RASGRF1: variants seen among roughly 807,000 people sequenced by gnomAD.
RASGRF1 encodes Ras protein specific guanine nucleotide releasing factor 1, also known as ras-specific guanine nucleotide-releasing factor 1.
RASGRF1 carries 40 observed loss-of-function variants against 138.7 expected under a neutral mutation model. The ratio of observed to expected loss-of-function variants is 0.29; its 90% confidence interval spans 0.22 to 0.38. RASGRF1 has a LOEUF of 0.38. RASGRF1 is among the 10% of genes least tolerant of loss of function. The pLI is 1.00. For synonymous variants in RASGRF1, 614 were observed against 663.2 expected (o/e 0.93, Z 1.14); for missense variants, 1,108 against 1,650.4 (o/e 0.67, Z 5.69).
chr15:79,068,072 G>T (rs531656353), intron 1 of RASGRF1, among the ~76,000 whole-genome samples: 2 of 152,322 alleles, frequency 1.3e-5, no homozygotes, highest in Admixed American at 6.5e-5. Flanking sequence ...CCTGCTGTGT[G>T]CCTGTCACCC....
chr15:79,030,701 T>G (rs779964074), intron 8 of RASGRF1, among the ~76,000 whole-genome samples: 4 of 152,190 alleles, frequency 2.6e-5, no homozygotes, highest in Admixed American at 6.5e-5. Flanking sequence ...CACCCTTGAC[T>G]CTAGTCTTTC....
intron 8 of RASGRF1, 119 bp downstream of exon 8, chr15:79,031,281 C>T (rs558505380): frequency 1.3e-6 from 1 of 795,388 alleles, no homozygotes; most frequent in Non-Finnish European, 2.0e-6. Context: ...AGCTGTGCCC[C>T]TCCCTTACAA....
chr15:79,004,445 C>G (rs2056626413), intron 14 of RASGRF1, among the ~76,000 whole-genome samples: 1 of 152,156 alleles, frequency 6.6e-6, no homozygotes, highest in Non-Finnish European at 1.5e-5. Context: ...GCTGCAGCAT[C>G]TGACCTGAAG....
At chr15:79,078,155 A>ATGTGTGTGTGTG (rs2057865045) in intron 1 of RASGRF1, among the ~76,000 whole-genome samples, 1 of 60,616 alleles carries the variant, frequency 1.6e-5, no homozygotes, top group East Asian at 5.5e-4. Flanking sequence ...GTGTGTGTGC[A>ATGTGTGTGTGTG]TGCATGTGCG....
In RASGRF1 at chr15:79,027,135, T is replaced by C. The variant is rs137878046; in HGVS notation, c.1381+606A>G. Among the ~76,000 whole-genome samples, 264 of 152,264 alleles carry C rather than the reference T, an allele frequency of 1.7e-3. 2 individuals carry two copies. Among genetic ancestry groups the C allele is most frequent in the African/African-American group, 5.0e-3 (209 of 41,546 alleles). ...AAACATGGAAGTTGAATGTGATGAA[T>C]TTCAAATGCATTGCAGTTCTGATGT... On this transcript the variant is annotated intron_variant, in intron 9 of 26. Coordinates refer to ENST00000558480, the MANE Select transcript of RASGRF1 (RefSeq NM_001145648.3). The surrounding 1 kb of genome is among the most constrained non-coding windows in gnomAD (Gnocchi z 4.8).
intron 3 of RASGRF1, among the ~76,000 whole-genome samples, chr15:79,052,612 C>T (rs745877966): frequency 6.6e-6 from 1 of 152,172 alleles, no homozygotes; most frequent in Admixed American, 6.5e-5. Flanking sequence ...CAAGGCCAGG[C>T]CAGAACAGAG....
chr15:79,089,543 G>A (rs1025329081), intron 1 of RASGRF1, among the ~76,000 whole-genome samples: 1 of 152,234 alleles, frequency 6.6e-6, no homozygotes, highest in Non-Finnish European at 1.5e-5. Context: ...TCGTCCCGCT[G>A]CCTCCGCAGC....
chr15:79,013,596 C>T (rs2141755692), intron 13 of RASGRF1, among the ~76,000 whole-genome samples: 1 of 152,362 alleles, frequency 6.6e-6, no homozygotes, highest in East Asian at 1.9e-4. Flanking sequence ...ATTGTTCTGG[C>T]AACAGCAACA....
At chr15:79,017,985 C>T (rs1335605678) in intron 11 of RASGRF1, 79 bp from the exon 12 acceptor site, 15 of 1,554,956 alleles carry the variant, frequency 9.6e-6, no homozygotes, top group East Asian at 4.6e-5. Context: ...TGGTCCCTGT[C>T]GTACGTACCA....
chr15:78,971,978 A>C, intron 25 of RASGRF1, 44 bp from the exon 26 acceptor site: 1 of 1,499,620 alleles, frequency 6.7e-7, no homozygotes, highest in Non-Finnish European at 9.3e-7. Context: ...TTGCTCTCCT[A>C]GTTCCACCCC....
intron 3 of RASGRF1, 63 bp from the exon 4 acceptor site, chr15:79,049,651 G>A (rs934924428): frequency 6.9e-7 from 1 of 1,442,754 alleles, no homozygotes; most frequent in African/African-American, 1.4e-5. Flanking sequence ...CAGGTCTTTG[G>A]CCGGTGGGTG....
rs977020816 is a variant in RASGRF1, at chr15:79,009,607, A to G, written c.1827-3173T>C. Among the ~76,000 whole-genome samples, 4 of 152,292 alleles carry G rather than the reference A, an allele frequency of 2.6e-5. No homozygotes were observed. In the South Asian group the frequency reaches 6.2e-4, roughly 24 times the overall value. On this transcript the variant is annotated intron_variant, in intron 13 of 26. Coordinates refer to ENST00000558480, the MANE Select transcript of RASGRF1 (RefSeq NM_001145648.3). ...TGTGGGCTCCTGCCACCGGAAGGGG[A>G]AGAGAAAGTGAAGAAAAGCCCCTGC...
Position 78,985,066 on chromosome 15 carries a change from A to G in RASGRF1, c.3355T>C (p.Ser1119Pro). 1 of 1,614,010 alleles carries G rather than the reference A, an allele frequency of 6.2e-7. No individual in the cohort carries two copies. The highest frequency in any genetic ancestry group is 8.5e-7 in the Non-Finnish European group (1 of 1,180,002). Residue 1119 changes from serine to proline, a missense_variant, in exon 23 of 27, where the codon TCC (serine) becomes CCC (proline). By Grantham distance (74) the Ser-to-Pro change is moderately conservative. This residue lies in a region of RASGRF1 where 686 missense variants were observed against 976.7 expected (regional missense o/e 0.70). Coordinates refer to ENST00000558480, the MANE Select transcript of RASGRF1 (RefSeq NM_001145648.3). ...NYNAVLEITS[S>P]MNRSAIFRLK... is the part of the protein sequence containing the mutation. ...CGGAAGATTGCACTGCGGTTCATGG[A>G]CGAGGTGATCTCCAGTACGGCATTG...
At chr15:79,001,609 T>C in intron 16 of RASGRF1, 53 bp downstream of exon 16, 1 of 1,590,662 alleles carries the variant, frequency 6.3e-7, no homozygotes, top group Non-Finnish European at 8.6e-7. Flanking sequence ...CTTGACCTAC[T>C]GCCCTCTCCC....
Position 79,004,058 on chromosome 15 carries a change from C to G in RASGRF1, c.2193G>C (p.Lys731Asn), listed in dbSNP as rs368915009. The G allele has an allele frequency of 1.7e-5, 27 of 1,613,972 alleles. No individual in the cohort carries two copies. Among genetic ancestry groups the G allele is most frequent in the Non-Finnish European group, 2.2e-5 (26 of 1,180,010 alleles). The change falls in exon 15 of 27, where the codon AAG (lysine) becomes AAC (asparagine). Residue 731 changes from lysine to asparagine, a missense_variant. This residue lies in a region of RASGRF1 where 686 missense variants were observed against 976.7 expected (regional missense o/e 0.70). Transcript: ENST00000558480. ...FSSPPPLSITKTSSPSRRRKL... is the reference protein window; with the variant it reads ...FSSPPPLSITNTSSPSRRRKL... ...TCCGCCGGCGGCTCGGTGACGATGT[C>G]TTGGTGATGGACAGAGGTGGCGGCG...
chr15:79,008,364 T>C (rs1653704765), intron 13 of RASGRF1, among the ~76,000 whole-genome samples: 1 of 152,206 alleles, frequency 6.6e-6, no homozygotes, highest in Non-Finnish European at 1.5e-5. Context: ...ACAGGGCCCG[T>C]AAAGATACTG....
intron 16 of RASGRF1, among the ~76,000 whole-genome samples, chr15:79,000,414 C>A (rs1471654507): frequency 6.6e-6 from 1 of 152,160 alleles, no homozygotes; most frequent in Admixed American, 6.5e-5. Context: ...TCCCCTACCC[C>A]CTACTAGCTG....
At position 79,067,650 on chromosome 15, in the gene RASGRF1, A is replaced by C. The variant is rs2057697977; in HGVS notation, c.277-3124T>G. Among the ~76,000 whole-genome samples the C allele has an allele frequency of 3.3e-5, 5 of 152,360 alleles. 1 individual carries two copies. In the South Asian group the frequency reaches 1.0e-3, roughly 32 times the overall value. Reference sequence around the variant, plus strand: ...CAACCACATTGCCCGACTGACTTGTAGAAATTGTTTGCTAAGGGAAAGTCA... The same window carrying C: ...CAACCACATTGCCCGACTGACTTGTCGAAATTGTTTGCTAAGGGAAAGTCA... On this transcript the variant is annotated intron_variant, in intron 1 of 26. Coordinates refer to ENST00000558480, the MANE Select transcript of RASGRF1 (RefSeq NM_001145648.3).
intron 1 of RASGRF1, among the ~76,000 whole-genome samples, chr15:79,084,426 C>G (rs1269232034): frequency 6.6e-6 from 1 of 152,222 alleles, no homozygotes; most frequent in African/African-American, 2.4e-5. Flanking sequence ...CAGGCAGACC[C>G]CAAAGTGACC....
Sources: allele counts gnomAD v4.1 joint callset (sites outside exome capture counted in the v4.1 genomes callset), GRCh38; gene constraint gnomAD v4.1.1; regional missense constraint gnomAD v4.1.1; non-coding constraint Gnocchi (gnomAD v3.1); transcripts MANE v1.5; gene names NCBI Gene and HGNC (gene_info 2026-07-23, HGNC 2026-07-21).